The following GNA15 variants were observed in gnomAD, a reference collection of about 807,000 sequenced individuals.
GNA15 encodes the protein guanine nucleotide-binding protein subunit alpha-15.
A neutral mutation model predicts 40.1 loss-of-function variants in GNA15; 23 were observed. The ratio of observed to expected loss-of-function variants is 0.57; its 90% CI spans 0.41 to 0.81. GNA15 has a LOEUF of 0.81. GNA15 is among the 40% of genes least tolerant of loss of function. GNA15 has a pLI of 0.00. For synonymous variants in GNA15, 226 were observed against 210.4 expected, an observed-to-expected ratio of 1.07 and a Z score of -0.64; for missense variants, 522 against 515.8, an observed-to-expected ratio of 1.01 and a Z score of -0.12.
chr19:3,148,342 C>T (rs953479432), intron 1 of GNA15, among the ~76,000 whole-genome samples: 1 of 152,194 alleles, frequency 6.6e-6, no homozygotes, highest in Admixed American at 6.5e-5. Context: ...CCTGCCTCAG[C>T]CTCCCAAAGT....
intron 1 of GNA15, among the ~76,000 whole-genome samples, chr19:3,140,071 C>CTATG (rs1195146468): frequency 2.9e-5 from 4 of 138,664 alleles, no homozygotes; most frequent in African/African-American, 7.6e-5. Context: ...ATCTATCTAT[C>CTATG]TATCTATCTA....
chr19:3,147,746 G>A (rs1360241405), intron 1 of GNA15, among the ~76,000 whole-genome samples: 1 of 151,430 alleles, frequency 6.6e-6, no homozygotes, highest in Non-Finnish European at 1.5e-5. Context: ...AATTAGCCGG[G>A]CGTGGTGGCG....
intron 1 of GNA15, chr19:3,141,448 T>G (rs1412506859): frequency 6.6e-6 from 1 of 152,212 alleles, no homozygotes; most frequent in Non-Finnish European, 1.5e-5. Flanking sequence ...CCGGTTGGAG[T>G]GCAGTGGTGC....
intron 5 of GNA15, among the ~76,000 whole-genome samples, chr19:3,156,458 GCACACACAGGCA>G (rs879461697): frequency 0.037 from 5,468 of 146,290 alleles, 136 homozygotes; most frequent in Non-Finnish European, 0.051. Context: ...ACATGCACAC[GCACACACAGGCA>G]CACACACGCA....
Position 3,136,608 on chromosome 19 carries a change from T to TCGGTGGG in GNA15, c.145+21_145+27dup. ...CTGCTGCTTTTGGGTGAGTCCAGGG[T>TCGGTGGG]CGGTGGGCGGTGGGTGGTGGGCAGT... On this transcript the variant is annotated intron_variant, in intron 1 of 6. Transcript: ENST00000262958. This position sits in a 1 kb window ranked among gnomAD's most constrained non-coding sequence, Gnocchi z 4.9. 6.5e-7 allele frequency: 1 copy of TCGGTGGG among 1,540,270 alleles called. No homozygotes were observed. The highest frequency in any genetic ancestry group is 8.8e-7 in the Non-Finnish European group (1 of 1,140,300).
chr19:3,142,543 G>C lies in GNA15; in HGVS notation c.145+5948G>C, dbSNP rs908136600. The C allele has an allele frequency of 4.2e-4, 64 of 152,196 alleles. 2 individuals carry two copies. Among genetic ancestry groups the C allele is most frequent in the Admixed American group, 3.7e-3 (56 of 15,274 alleles). 9.4% of individuals were successfully genotyped at this position (152,196 alleles called of 1,614,324 possible). ...CACTTTGGGGCAAACTAAGATCTGA[G>C]AGTTGGAAGACAACTGGGGGACAGG... On this transcript the variant is annotated intron_variant, in intron 1 of 6. Coordinates refer to ENST00000262958, the MANE Select transcript of GNA15 (RefSeq NM_002068.4).
chr19:3,145,359 A>ATATATATATATTTTTT, intron 1 of GNA15, among the ~76,000 whole-genome samples: 3 of 46,968 alleles, frequency 6.4e-5, no homozygotes, highest in East Asian at 1.0e-3. Flanking sequence ...ATATATATAT[A>ATATATATATATTTTTT]TTTTTTTTTT....
At chr19:3,142,803 A>T (rs1688120) in intron 1 of GNA15, among the ~76,000 whole-genome samples, 70,654 of 151,886 alleles carry the variant, frequency 0.47, 16,791 homozygotes, top group African/African-American at 0.51. Context: ...ACCTGGGAGG[A>T]GGAGGTTGCG....
chr19:3,148,603 G>T lies in GNA15; in HGVS notation c.158G>T (p.Ser53Ile). The change falls in exon 2 of 7, where the codon AGC (serine) becomes ATC (isoleucine). Residue 53 changes from serine to isoleucine, a missense_variant. Physicochemically the swap from Ser to Ile is moderately radical, Grantham distance 142. Coordinates refer to ENST00000262958, the MANE Select transcript of GNA15 (RefSeq NM_002068.4). The part of the protein sequence containing the change: ...LKLLLLGPGE[S>I]GKSTFIKQMR... ...GCTCCATCCCCAGGCCCAGGCGAGA[G>T]CGGGAAGAGCACCTTCATCAAGCAG... is the stretch of plus-strand genomic sequence containing the variant. 3.8e-6 allele frequency: 6 copies of T among 1,580,176 alleles called. No homozygotes were observed. Among genetic ancestry groups the T allele is most frequent in the Non-Finnish European group, 5.2e-6 (6 of 1,162,676 alleles).
At position 3,150,161 on chromosome 19, in the gene GNA15, C is replaced by A; in HGVS notation, c.361C>A (p.Pro121Thr). 6.2e-7 allele frequency: 1 copy of A among 1,613,438 alleles called. No homozygotes were observed. The highest frequency in any genetic ancestry group is 8.5e-7 in the Non-Finnish European group (1 of 1,179,908). ...CGCTAGCCTGGTCATGAGCCAGGAC[C>A]CCTATAAAGTGACCACGTTTGAGAA... ...HHASLVMSQD[P>T]YKVTTFEKRY... Residue 121 changes from proline to threonine, a missense_variant, in exon 3 of 7, where the codon CCC (proline) becomes ACC (threonine). Coordinates refer to ENST00000262958, the MANE Select transcript of GNA15 (RefSeq NM_002068.4).
Position 3,147,241 on chromosome 19 carries a change from T to C in GNA15, c.146-1350T>C, listed in dbSNP as rs573296344. Among the ~76,000 whole-genome samples, 3 of 152,326 alleles carry C rather than the reference T, an allele frequency of 2.0e-5. No homozygotes were observed. The South Asian group carries it at 6.2e-4, about 32-fold the overall frequency. On this transcript the variant is annotated intron_variant, in intron 1 of 6. Coordinates refer to ENST00000262958, the MANE Select transcript of GNA15 (RefSeq NM_002068.4). ...TTATTGTAGCAAATAATAATACATA[T>C]TAGTATTGTTATGATAAATAATAAA... is the stretch of plus-strand genomic sequence containing the variant.
At chr19:3,162,446 G>A (rs1317774198) in intron 6 of GNA15, among the ~76,000 whole-genome samples, 1 of 151,800 alleles carries the variant, frequency 6.6e-6, no homozygotes, top group African/African-American at 2.4e-5. Context: ...CATCTTCACA[G>A]TCCTGGGATA....
intron 1 of GNA15, among the ~76,000 whole-genome samples, chr19:3,147,320 AG>A (rs1914748638): frequency 6.6e-6 from 1 of 152,058 alleles, no homozygotes. Context: ...TGGGAGGCCG[AG>A]GCAGACGGAT....
At chr19:3,159,471 C>T (rs1019416512) in intron 6 of GNA15, among the ~76,000 whole-genome samples, 124 of 152,084 alleles carry the variant, frequency 8.2e-4, no homozygotes, top group African/African-American at 2.7e-3. Flanking sequence ...CTCAGCCTCC[C>T]GAGTAGCTGG....
chr19:3,156,208 G>GTGCACACGCACA (rs1555707147), intron 5 of GNA15, among the ~76,000 whole-genome samples: 19 of 128,992 alleles, frequency 1.5e-4, no homozygotes, highest in Admixed American at 2.9e-4. Context: ...ACACACTACA[G>GTGCACACGCACA]TGCACACACG....
chr19:3,136,523 G>T lies in GNA15; in HGVS notation c.73G>T (p.Asp25Tyr). ...TEDEKAAARV[D>Y]QEINRILLEQ... Reference sequence around the variant, plus strand: ...GGATGAGAAGGCCGCCGCCCGGGTGGACCAGGAGATCAACAGGATCCTCTT... The same window carrying T: ...GGATGAGAAGGCCGCCGCCCGGGTGTACCAGGAGATCAACAGGATCCTCTT... The change falls in exon 1 of 7, where the codon GAC becomes TAC. Residue 25 changes from aspartate (D) to tyrosine (Y), a missense_variant. By Grantham distance (160) the Asp-to-Tyr change is radical. Coordinates refer to ENST00000262958, the MANE Select transcript of GNA15 (RefSeq NM_002068.4). This position sits in a 1 kb window ranked among gnomAD's most constrained non-coding sequence, Gnocchi z 4.9. 1 of 1,567,506 alleles carries T rather than the reference G, an allele frequency of 6.4e-7. No homozygotes were observed. The highest frequency in any genetic ancestry group is 1.9e-5 in the Admixed American group (1 of 53,144).
chr19:3,137,980 A>AT (rs1914491620), intron 1 of GNA15, among the ~76,000 whole-genome samples: 1 of 151,866 alleles, frequency 6.6e-6, no homozygotes, highest in Non-Finnish European at 1.5e-5. Context: ...ATAAATATAA[A>AT]TAAAATAAAT....
chr19:3,162,781 C>T lies in GNA15; in HGVS notation c.899-12C>T. The T allele has an allele frequency of 6.2e-7, 1 of 1,600,034 alleles. No individual in the cohort carries two copies. Among genetic ancestry groups the T allele is most frequent in the African/African-American group, 1.3e-5 (1 of 74,750 alleles). On this transcript the variant is annotated splice_polypyrimidine_tract_variant and intron_variant, in intron 6 of 6. Transcript: ENST00000262958. ...GGAGGGTCCTCACCCCCTTCCCACA[C>T]TGTTTCCCCAGGCCCTAAGCAGGAT...
intron 6 of GNA15, 40 bp downstream of exon 6, chr19:3,157,921 A>G (rs746272579): frequency 6.7e-7 from 1 of 1,497,454 alleles, no homozygotes; most frequent in Non-Finnish European, 9.3e-7. Context: ...TCAACTCCCA[A>G]AAGCAGCTCC....
Sources: allele counts gnomAD v4.1 joint callset (sites outside exome capture counted in the v4.1 genomes callset), GRCh38; gene constraint gnomAD v4.1.1; non-coding constraint Gnocchi (gnomAD v3.1); transcripts MANE v1.5; gene names NCBI Gene and HGNC (gene_info 2026-07-23, HGNC 2026-07-21).